The following BAALC variants were observed in gnomAD, a reference collection of about 807,000 sequenced individuals.
BAALC encodes the protein brain and acute leukemia cytoplasmic protein.
A neutral mutation model predicts 15.5 loss-of-function variants in BAALC; 9 were observed. The observed-to-expected ratio is 0.58, with a 90% CI of 0.35 to 1.02. BAALC has a LOEUF of 1.02. Among genes scored for constraint, BAALC ranks in the 50% least tolerant of loss-of-function variants. The probability of loss-of-function intolerance (pLI) is 0.02; values close to 1 mark genes in which losing one functional copy is unlikely to be tolerated. For missense variants in BAALC, 201 were observed against 192.4 expected (o/e 1.04, Z -0.27); for synonymous variants, 80 against 74.6 (o/e 1.07, Z -0.37).
chr8:103,181,334 G>A (rs541317540), intron 1 of BAALC, among the ~76,000 whole-genome samples: 51 of 152,210 alleles, frequency 3.4e-4, no homozygotes, highest in South Asian at 3.1e-3. Flanking sequence ...GTGCAGTGGC[G>A]CAATCTCAGC....
chr8:103,217,643 A>AT (rs1309138736), intron 2 of BAALC, among the ~76,000 whole-genome samples: 1 of 151,106 alleles, frequency 6.6e-6, no homozygotes, highest in African/African-American at 2.4e-5. Flanking sequence ...GTTCTTCGGC[A>AT]TTTTTTTTTA....
At chr8:103,210,867 AAGAC>A (rs1216298273) in intron 1 of BAALC, among the ~76,000 whole-genome samples, 1 of 152,224 alleles carries the variant, frequency 6.6e-6, no homozygotes, top group Non-Finnish European at 1.5e-5. Flanking sequence ...TGGTCAACAG[AAGAC>A]AGACTTGTAG....
chr8:103,200,895 A>C, intron 1 of BAALC: 1 of 460,494 alleles, frequency 2.2e-6, no homozygotes, highest in Non-Finnish European at 4.0e-6. Flanking sequence ...AGATTTATAC[A>C]TATGAATTTT....
At chr8:103,224,430 G>A (rs112618896) in intron 2 of BAALC, among the ~76,000 whole-genome samples, 2 of 145,960 alleles carry the variant, frequency 1.4e-5, no homozygotes, top group Non-Finnish European at 3.0e-5. Context: ...GTGGGCGGGT[G>A]GGGGGGCAGG....
chr8:103,171,211 G>C (rs566434294), intron 1 of BAALC, among the ~76,000 whole-genome samples: 1 of 144,840 alleles, frequency 6.9e-6, no homozygotes, highest in African/African-American at 2.6e-5. Context: ...GAAAGAGAGA[G>C]AGAAAGAAGC....
chr8:103,156,667 C>G (rs370774798), intron 1 of BAALC, among the ~76,000 whole-genome samples: 21 of 152,352 alleles, frequency 1.4e-4, no homozygotes, highest in African/African-American at 5.1e-4. Flanking sequence ...CTGTGTCTCT[C>G]TGAGTTTCAC....
At chr8:103,161,054 C>T (rs6994179) in intron 1 of BAALC, among the ~76,000 whole-genome samples, 119,338 of 152,120 alleles carry the variant, frequency 0.78, 47,108 homozygotes, top group East Asian at 0.87. Flanking sequence ...ACTTGCTAGA[C>T]AGGTAGGTTC....
intron 1 of BAALC, among the ~76,000 whole-genome samples, chr8:103,144,665 T>C (rs1810844298): frequency 6.6e-6 from 1 of 152,226 alleles, no homozygotes; most frequent in South Asian, 2.1e-4. Context: ...GCACACTTTT[T>C]TTCTAATTTC....
In BAALC at chr8:103,193,766, T is replaced by G. The variant is rs76236093; in HGVS notation, c.161-19153T>G. The stretch of plus-strand genomic sequence containing the variant: ...ACATGGTCAATATTATTATTTAGCC[T>G]CTTCTGAAAGGTCATACAAGGGACA... On this transcript the variant is annotated intron_variant, in intron 1 of 2. Transcript: ENST00000309982. Among the ~76,000 whole-genome samples, 858 of 152,260 alleles carry G rather than the reference T, an allele frequency of 5.6e-3. 9 individuals carry two copies. The highest frequency in any genetic ancestry group is 0.02 in the African/African-American group (836 of 41,542).
chr8:103,211,869 G>A (rs1263047934), intron 1 of BAALC, among the ~76,000 whole-genome samples: 3 of 152,176 alleles, frequency 2.0e-5, no homozygotes, highest in Non-Finnish European at 4.4e-5. Flanking sequence ...GCCTCAGCAG[G>A]TGGAAGAGTA....
chr8:103,163,044 T>C (rs1485274118), intron 1 of BAALC, among the ~76,000 whole-genome samples: 1 of 152,136 alleles, frequency 6.6e-6, no homozygotes, highest in Non-Finnish European at 1.5e-5. Context: ...ACCTTGTAAA[T>C]GGAGAGTCAG....
intron 1 of BAALC, chr8:103,183,434 A>G (rs1811768627): frequency 1.4e-6 from 1 of 703,024 alleles, no homozygotes; most frequent in South Asian, 1.5e-5. Flanking sequence ...TGGTTCAAGA[A>G]GGACTGTGCA....
At chr8:103,182,165 C>A (rs1811743764) in intron 1 of BAALC, among the ~76,000 whole-genome samples, 1 of 152,176 alleles carries the variant, frequency 6.6e-6, no homozygotes. Flanking sequence ...CTCCAAGGAA[C>A]CCCCATTTCT....
chr8:103,183,943 C>T (rs1350753772), intron 1 of BAALC, among the ~76,000 whole-genome samples: 1 of 152,226 alleles, frequency 6.6e-6, no homozygotes, highest in Non-Finnish European at 1.5e-5. Context: ...AATGTATTAT[C>T]TCCCAGCTCC....
At chr8:103,166,679 T>C (rs1248637600) in intron 1 of BAALC, among the ~76,000 whole-genome samples, 1 of 152,230 alleles carries the variant, frequency 6.6e-6, no homozygotes, top group East Asian at 1.9e-4. Context: ...TGAATGCATC[T>C]CTGGGTTGTT....
intron 1 of BAALC, among the ~76,000 whole-genome samples, chr8:103,153,861 T>C (rs1236043160): frequency 1.3e-5 from 2 of 152,196 alleles, no homozygotes; most frequent in African/African-American, 2.4e-5. Flanking sequence ...TGGAAAGGCT[T>C]GCAGAAAATA....
intron 1 of BAALC, among the ~76,000 whole-genome samples, chr8:103,167,277 A>G (rs62527638): frequency 0.095 from 14,486 of 152,268 alleles, 971 homozygotes; most frequent in Non-Finnish European, 0.15. Flanking sequence ...TCAAAGTGCT[A>G]GACATAGTCC....
chr8:103,184,763 G>A (rs903341444), intron 1 of BAALC, among the ~76,000 whole-genome samples: 11 of 152,204 alleles, frequency 7.2e-5, no homozygotes, highest in Middle Eastern at 3.2e-3. Context: ...ATAGATGAGC[G>A]TGGCAACCAG....
At chr8:103,214,914 G>C (rs1371187407) in intron 2 of BAALC, 2 of 152,240 alleles carry the variant, frequency 1.3e-5, no homozygotes, top group Non-Finnish European at 2.9e-5. Context: ...CTTTGCCTGT[G>C]CATTAGGTGG....
Sources: gnomAD v4.1 joint callset for allele counts (sites outside exome capture counted in the v4.1 genomes callset) on GRCh38, gnomAD v4.1.1 for gene constraint, MANE v1.5 for transcripts, NCBI Gene and HGNC (gene_info 2026-07-23, HGNC 2026-07-21) for gene names.